The following PBLD variants were observed in gnomAD, a reference collection of about 807,000 sequenced individuals.
PBLD encodes the protein phenazine biosynthesis-like domain-containing protein.
Under a neutral mutation model 31.3 loss-of-function variants are expected in PBLD, and 26 were observed. The observed-to-expected ratio is 0.83, with a 90% CI of 0.61 to 1.15. PBLD has a LOEUF of 1.15. Ranked by LOEUF, PBLD falls within the 50% of genes most tolerant of loss-of-function variation. PBLD has a pLI of 0.00. For synonymous variants in PBLD, 114 were observed against 129.0 expected, an observed-to-expected ratio of 0.88 and a Z score of 0.79; for missense variants, 307 against 351.7, an observed-to-expected ratio of 0.87 and a Z score of 1.02.
rs143644471 is a variant in PBLD, at chr10:68,320,696, T to C, written c.-60+12088A>G. 3.3e-5 allele frequency among the ~76,000 whole-genome samples: 5 copies of C among 152,226 alleles called. No individual in the cohort carries two copies. The East Asian group carries it at 9.6e-4, about 29-fold the overall frequency. ...TTAATTTTTTTATTTTAATTTTTTT[T>C]TAATGGAGATGGGGTTTCACTATGT... On this transcript the variant is annotated intron_variant, in intron 1 of 9. Transcript: ENST00000358769.
In PBLD at chr10:68,288,920, A is replaced by C. The variant is rs1191038542; in HGVS notation, c.512+11T>G. ...CCCTCCCCAAAGTGCTGATGCAGCC[A>C]AAAATCTTACCTGTTGTAAACGTCA... is the stretch of plus-strand genomic sequence containing the variant. On this transcript the variant is annotated intron_variant, in intron 7 of 9. Transcript: ENST00000358769. 6.2e-7 allele frequency: 1 copy of C among 1,612,890 alleles called. No individual in the cohort carries two copies. Among genetic ancestry groups the C allele is most frequent in the East Asian group, 2.2e-5 (1 of 44,886 alleles).
chr10:68,304,521 A>G (rs1003614286), intron 2 of PBLD, among the ~76,000 whole-genome samples: 2 of 152,162 alleles, frequency 1.3e-5, no homozygotes, highest in South Asian at 2.1e-4. Context: ...GTTTTTCCAA[A>G]TATATAATTA....
intron 2 of PBLD, among the ~76,000 whole-genome samples, chr10:68,299,558 T>TA (rs2044477520): frequency 6.6e-6 from 1 of 152,020 alleles, no homozygotes; most frequent in Non-Finnish European, 1.5e-5. Flanking sequence ...CCGGCTGATA[T>TA]AAAAATCTTA....
chr10:68,301,366 A>AAGTCCCAGCCAACAAG (rs1397230201), intron 2 of PBLD, among the ~76,000 whole-genome samples: 1 of 152,186 alleles, frequency 6.6e-6, no homozygotes, highest in Non-Finnish European at 1.5e-5. Context: ...GGCCACTGGA[A>AAGTCCCAGCCAACAAG]AGTCCCAGCC....
At chr10:68,294,287 C>G (rs1045326662) in intron 4 of PBLD, among the ~76,000 whole-genome samples, 2 of 152,168 alleles carry the variant, frequency 1.3e-5, no homozygotes, top group African/African-American at 2.4e-5. Flanking sequence ...CAAAGTTCCC[C>G]TTCTCTGGTG....
At position 68,326,062 on chromosome 10, in the gene PBLD, CTGTTT is replaced by C. The variant is rs921999340; in HGVS notation, c.-60+6717_-60+6721del. ...ACATTATAGAATGTACTTGATTTTT[CTGTTT>C]TGTTTTGTTTTTGTTTTTTGAGATG... is the stretch of plus-strand genomic sequence containing the variant. On this transcript the variant is annotated intron_variant, in intron 1 of 9. Transcript: ENST00000358769. Among the ~76,000 whole-genome samples the C allele has an allele frequency of 5.3e-5, 8 of 151,486 alleles. 1 individual carries two copies. Among genetic ancestry groups the C allele is most frequent in the Admixed American group, 1.3e-4 (2 of 15,192 alleles).
Position 68,288,918 on chromosome 10 carries a change from C to G in PBLD, c.512+13G>C, listed in dbSNP as rs775583651. The G allele has an allele frequency of 7.4e-6, 12 of 1,612,816 alleles. No individual in the cohort carries two copies. In the African/African-American group the frequency reaches 1.6e-4, roughly 22 times the overall value. On this transcript the variant is annotated intron_variant, in intron 7 of 9. Coordinates refer to ENST00000358769, the MANE Select transcript of PBLD (RefSeq NM_022129.4). ...AGCCCTCCCCAAAGTGCTGATGCAG[C>G]CAAAAATCTTACCTGTTGTAAACGT...
intron 1 of PBLD, among the ~76,000 whole-genome samples, chr10:68,310,924 C>A (rs2044659101): frequency 6.6e-6 from 1 of 152,180 alleles, no homozygotes; most frequent in South Asian, 2.1e-4. Context: ...ACCTACCAAA[C>A]AATATAGCTT....
rs186805049 is a variant in PBLD, at chr10:68,303,517, G to A, written c.84+3244C>T. Reference sequence around the variant, plus strand: ...ATTTAAAAATTTAAAAATGTCAGCCGGGCGTGGTGACTCACACCTGTAATC... The same window carrying A: ...ATTTAAAAATTTAAAAATGTCAGCCAGGCGTGGTGACTCACACCTGTAATC... On this transcript the variant is annotated intron_variant, in intron 2 of 9. Transcript: ENST00000358769. 4.6e-5 allele frequency among the ~76,000 whole-genome samples: 7 copies of A among 151,742 alleles called. 1 individual carries two copies. The highest frequency in any genetic ancestry group is 2.1e-4 in the South Asian group (1 of 4,814).
chr10:68,313,611 T>C (rs1589666874), intron 1 of PBLD, among the ~76,000 whole-genome samples: 1 of 152,218 alleles, frequency 6.6e-6, no homozygotes, highest in African/African-American at 2.4e-5. Flanking sequence ...TGCTAAAATT[T>C]AGGATTCTCA....
Position 68,283,743 on chromosome 10 carries a change from T to TTG in PBLD, c.*432_*433dup, listed in dbSNP as rs59647934. ...ATTAAAATGTCTTCACTTTTCAATT[T>TTG]TGTGTGTGTGTGTGTGTGTGTGGAT... On this transcript the variant is annotated 3_prime_UTR_variant, in exon 10 of 10. Coordinates refer to ENST00000358769, the MANE Select transcript of PBLD (RefSeq NM_022129.4). 5.8e-3 allele frequency: 877 copies of TTG among 152,062 alleles called. 6 individuals are homozygous for TTG. The highest frequency in any genetic ancestry group is 0.03 in the South Asian group (149 of 4,906). The allele number at this position is 152,062 out of a possible 1,614,324, so 9.4% of individuals were successfully genotyped here. A position where few individuals can be genotyped will look rare whatever the true frequency, so the allele number is the denominator to read the frequency against.
At chr10:68,326,007 T>C (rs1377220015) in intron 1 of PBLD, among the ~76,000 whole-genome samples, 1 of 151,432 alleles carries the variant, frequency 6.6e-6, no homozygotes, top group Non-Finnish European at 1.5e-5. Context: ...GTTCACTTTA[T>C]GTACGTGCAT....
chr10:68,290,971 A>G lies in PBLD; in HGVS notation c.423+1039T>C, dbSNP rs145185405. 2.0e-5 allele frequency among the ~76,000 whole-genome samples: 3 copies of G among 152,328 alleles called. No homozygotes were observed. In the East Asian group the frequency reaches 5.8e-4, roughly 29 times the overall value. The stretch of plus-strand genomic sequence containing the variant: ...ACCCAAGCCATGGATGGGGTTGAGT[A>G]TAAAATCAGAATCCATCATGCTTAT... On this transcript the variant is annotated intron_variant, in intron 6 of 9. Coordinates refer to ENST00000358769, the MANE Select transcript of PBLD (RefSeq NM_022129.4).
chr10:68,326,091 T>C (rs569931313), intron 1 of PBLD, among the ~76,000 whole-genome samples: 1 of 152,318 alleles, frequency 6.6e-6, no homozygotes, highest in African/African-American at 2.4e-5. Context: ...TTTTTTGAGA[T>C]GGAGTCTTAC....
At chr10:68,331,862 C>T (rs1007717007) in intron 1 of PBLD, 3 of 152,352 alleles carry the variant, frequency 2.0e-5, no homozygotes, top group Non-Finnish European at 2.9e-5. Flanking sequence ...ACGGTGCGCG[C>T]TGCAGCTCTT....
At chr10:68,314,609 T>C (rs1200250923) in intron 1 of PBLD, among the ~76,000 whole-genome samples, 11 of 151,382 alleles carry the variant, frequency 7.3e-5, no homozygotes, top group African/African-American at 2.4e-4. Flanking sequence ...TTTTTTTTTT[T>C]CTTTTTGAGA....
chr10:68,292,289 G>T (rs192929301), intron 4 of PBLD, 51 bp from the exon 5 acceptor site: 2 of 1,445,102 alleles, frequency 1.4e-6, no homozygotes, highest in Non-Finnish European at 9.6e-7. Context: ...TCATATATGC[G>T]CATGTCCATT....
chr10:68,302,978 T>C (rs2044524884), intron 2 of PBLD, among the ~76,000 whole-genome samples: 1 of 152,180 alleles, frequency 6.6e-6, no homozygotes, highest in Non-Finnish European at 1.5e-5. Flanking sequence ...ACTTTTTACA[T>C]TGCTTCTATA....
intron 2 of PBLD, among the ~76,000 whole-genome samples, chr10:68,299,921 C>T (rs927714500): frequency 7.2e-5 from 11 of 151,824 alleles, no homozygotes; most frequent in African/African-American, 2.2e-4. Flanking sequence ...GACAGAGTCT[C>T]GCTCTGTCAC....
Sources: allele counts gnomAD v4.1 joint callset (sites outside exome capture counted in the v4.1 genomes callset), GRCh38; gene constraint gnomAD v4.1.1; transcripts MANE v1.5; gene names NCBI Gene and HGNC (gene_info 2026-07-23, HGNC 2026-07-21).